Variants in GREP1 observed in about 807,000 individuals in gnomAD.
GREP1 encodes glycine-rich extracellular protein 1.
At position 2,992,602 on chromosome 16, in the gene GREP1, G is replaced by C. The variant is rs1350324674; in HGVS notation, c.323-203G>C. On this transcript the variant is annotated intron_variant, in intron 8 of 34. Coordinates refer to ENST00000573315, the Ensembl canonical transcript of GREP1. The surrounding 1 kb of genome is among the most constrained non-coding windows in gnomAD (Gnocchi z 4.9). ...GCTGGCCATGGAGGACACCCAAGCT[G>C]GTCAAGGGTGGCCACGGTCTGGACT... 2.1e-5 allele frequency: 8 copies of C among 386,616 alleles called. No individual in the cohort carries two copies. Among genetic ancestry groups the C allele is most frequent in the African/African-American group, 1.4e-4 (7 of 48,390 alleles). The allele number at this position is 386,616 out of a possible 1,614,324, so 23.9% of individuals were successfully genotyped here. A position where few individuals can be genotyped will look rare whatever the true frequency, so the allele number is the denominator to read the frequency against.
intron 5 of GREP1, chr16:2,990,328 C>T (rs2072392048): frequency 5.0e-6 from 2 of 398,416 alleles, no homozygotes; most frequent in Non-Finnish European, 8.8e-6. Flanking sequence ...CTCCCACGAG[C>T]CCTTCCACTA....
At chr16:2,996,900 C>A (rs138005483) in intron 20 of GREP1, 153 bp from the exon 20 acceptor site, 3 of 399,372 alleles carry the variant, frequency 7.5e-6, no homozygotes, top group Non-Finnish European at 1.3e-5. Flanking sequence ...GCCTCCCTGT[C>A]CCCCAGTGGC....
intron 23 of GREP1, 131 bp from the exon 22 acceptor site, chr16:2,998,225 C>T (rs1178477763): frequency 5.0e-6 from 2 of 397,890 alleles, no homozygotes; most frequent in Non-Finnish European, 8.9e-6. Context: ...CCAGGATACA[C>T]ACCAGGGACC....
chr16:2,996,749 C>T lies in GREP1; in HGVS notation c.745+44C>T, dbSNP rs2072426974. 12 of 398,740 alleles carry T rather than the reference C, an allele frequency of 3.0e-5. No homozygotes were observed. The East Asian group carries it at 4.3e-4, about 14-fold the overall frequency. The allele number at this position is 398,740 out of a possible 1,614,324, so 24.7% of individuals were successfully genotyped here. ...TCTGTGGCCCCACCTCCCCTAGATC[C>T]TGGTGTTCTAGCTGGGTCTGCGTGG... On this transcript the variant is annotated intron_variant, in intron 20 of 34. Coordinates refer to ENST00000573315, the Ensembl canonical transcript of GREP1.
chr16:3,000,668 C>T, intron 32 of GREP1, 46 bp from the exon 27 acceptor site: 1 of 398,856 alleles, frequency 2.5e-6, no homozygotes, highest in African/African-American at 2.1e-5. Context: ...CCAGGGGTCC[C>T]AGCTCCTGTG....
Position 2,989,408 on chromosome 16 carries a change from G to A in GREP1, c.101-115G>A. 1 of 398,882 alleles carries A rather than the reference G, an allele frequency of 2.5e-6. No individual in the cohort carries two copies. Among genetic ancestry groups the A allele is most frequent in the East Asian group, 3.6e-5 (1 of 28,076 alleles). 24.7% of individuals were successfully genotyped at this position (398,882 alleles called of 1,614,324 possible). On this transcript the variant is annotated intron_variant, in intron 2 of 34. Coordinates refer to ENST00000573315, the Ensembl canonical transcript of GREP1. This position sits in a 1 kb window ranked among gnomAD's most constrained non-coding sequence, Gnocchi z 4.2. ...TTCCCCCTGAACCCCACAGGCTTAG[G>A]GAGCCCAAATGGCTACAGATCTGGT...
At chr16:2,993,820 C>T (rs1361925775) in intron 10 of GREP1, 1 of 151,938 alleles carries the variant, frequency 6.6e-6, no homozygotes, top group Non-Finnish European at 1.5e-5. Context: ...ATCAGTCGGG[C>T]GTGGTAGTGG....
chr16:2,998,505 G>T lies in GREP1; in HGVS notation c.994G>T (p.Glu332Ter), dbSNP rs1405322140. Residue 332 changes from glutamate to a stop codon, truncating the protein, a stop_gained, in exon 25 of 35, where the codon GAA becomes TAA. Transcript: ENST00000573315. LOFTEE classifies it high-confidence loss of function. ...CTTTCCCTCTCCAGGACACGGCCAT[G>T]AAAATGGGCCCTGGCCAGGTGAGGC... 5.0e-6 allele frequency: 2 copies of T among 399,058 alleles called. No individual in the cohort carries two copies. Among genetic ancestry groups the T allele is most frequent in the Non-Finnish European group, 8.8e-6 (2 of 226,144 alleles). 24.7% of individuals were successfully genotyped at this position (399,058 alleles called of 1,614,324 possible).
intron 10 of GREP1, 200 bp downstream of exon 11, chr16:2,993,163 G>C (rs1447933353): frequency 1.8e-5 from 7 of 379,954 alleles, no homozygotes; most frequent in African/African-American, 6.2e-5. Flanking sequence ...GGAGGTCTTA[G>C]GGGTTGGGGG....
At chr16:3,001,326 G>A in exon 34 of GREP1, 2 of 399,172 alleles carry the variant, frequency 5.0e-6, no homozygotes, top group Admixed American at 8.8e-5. Flanking sequence ...CTGGGGAATG[G>A]CTACGGAGGT....
intron 23 of GREP1, among the ~76,000 whole-genome samples, chr16:2,998,074 G>A (rs1353283348): frequency 6.7e-6 from 1 of 148,824 alleles, no homozygotes; most frequent in Non-Finnish European, 1.5e-5. Flanking sequence ...GTGGGGTGGG[G>A]TGGGCCTGTC....
chr16:2,999,732 G>A (rs1247097333), intron 27 of GREP1, among the ~76,000 whole-genome samples, 170 bp from the exon 25 acceptor site: 2 of 152,152 alleles, frequency 1.3e-5, no homozygotes, highest in African/African-American at 4.8e-5. Flanking sequence ...GATTACAGGC[G>A]TGAGCCACTG....
At chr16:3,000,043 C>T (rs1300440900) in intron 28 of GREP1, 43 bp from the exon 26 acceptor site, 8 of 398,916 alleles carry the variant, frequency 2.0e-5, no homozygotes. Flanking sequence ...GGCTGTGGCT[C>T]TCGCTGACCC....
At chr16:2,996,467 T>C (rs1361317019) in intron 18 of GREP1, 29 bp from the exon 18 acceptor site, 4 of 398,688 alleles carry the variant, frequency 1.0e-5, no homozygotes, top group African/African-American at 4.1e-5. Flanking sequence ...AATGCCGCCG[T>C]CTCACACCCT....
At position 2,990,545 on chromosome 16, in the gene GREP1, G is replaced by A. The variant is rs1240815469; in HGVS notation, c.233-7G>A. 12 of 399,328 alleles carry A rather than the reference G, an allele frequency of 3.0e-5. No individual in the cohort carries two copies. The highest frequency in any genetic ancestry group is 8.2e-5 in the African/African-American group (4 of 48,582). The allele number at this position is 399,328 out of a possible 1,614,324, so 24.7% of individuals were successfully genotyped here. Reference sequence around the variant, plus strand: ...CCTCCTGACTCCCTCCTGCCTTCTCGCCCCAGGGTTCAGGACCTTCGCAGG... The same window carrying A: ...CCTCCTGACTCCCTCCTGCCTTCTCACCCCAGGGTTCAGGACCTTCGCAGG... On this transcript the variant is annotated splice_polypyrimidine_tract_variant and splice_region_variant and intron_variant, in intron 6 of 34. Transcript: ENST00000573315.
At chr16:2,999,835 G>T (rs76179381) in intron 27 of GREP1, 67 bp from the exon 25 acceptor site, 1 of 398,874 alleles carries the variant, frequency 2.5e-6, no homozygotes, top group African/African-American at 2.1e-5. Context: ...CCCTAAGGTC[G>T]ATCTTTGGCC....
intron 26 of GREP1, 101 bp downstream of exon 24, chr16:2,999,080 G>C (rs2072443998): frequency 7.5e-6 from 3 of 398,538 alleles, no homozygotes. Context: ...CGGATGCCAA[G>C]GCTCAGAGAG....
intron 33 of GREP1, 95 bp from the exon 28 acceptor site, chr16:3,001,186 G>A (rs143255457): frequency 1.9e-4 from 74 of 399,202 alleles, no homozygotes; most frequent in Non-Finnish European, 2.3e-4. Context: ...GGGCCCTCCG[G>A]GGAGGGGGTG....
At position 2,989,129 on chromosome 16, in the gene GREP1, G is replaced by C. The variant is rs1036355268; in HGVS notation, c.101-394G>C. 1.9e-5 allele frequency: 5 copies of C among 266,296 alleles called. No homozygotes were observed. The highest frequency in any genetic ancestry group is 3.5e-5 in the Non-Finnish European group (5 of 142,272). 16.5% of individuals were successfully genotyped at this position (266,296 alleles called of 1,614,324 possible). A position where few individuals can be genotyped will look rare whatever the true frequency, so the allele number is the denominator to read the frequency against. On this transcript the variant is annotated intron_variant, in intron 2 of 34. Coordinates refer to ENST00000573315, the Ensembl canonical transcript of GREP1. This position sits in a 1 kb window ranked among gnomAD's most constrained non-coding sequence, Gnocchi z 4.2. ...GAAGAGGAGGAGATTTCCATGAAGG[G>C]AGAGGAGCCCAGTACTGAGAATGGA...
Sources: gnomAD v4.1 joint callset for allele counts (sites outside exome capture counted in the v4.1 genomes callset) on GRCh38, gnomAD v4.1.1 for gene constraint, Gnocchi (gnomAD v3.1) non-coding constraint, MANE v1.5 for transcripts, NCBI Gene and HGNC (gene_info 2026-07-23, HGNC 2026-07-21) for gene names.